PDCD6: variants seen among roughly 807,000 people sequenced by gnomAD.
PDCD6 encodes the protein programmed cell death protein 6.
A neutral mutation model predicts 28.3 loss-of-function variants in PDCD6; 12 were observed. The ratio of observed to expected loss-of-function variants is 0.42; its 90% confidence interval spans 0.27 to 0.69. The LOEUF (loss-of-function observed/expected upper bound fraction) is 0.69, where lower values mean the gene tolerates loss of function less well. PDCD6 is among the 30% of genes least tolerant of loss of function. The pLI is 0.22. For missense variants in PDCD6, 226 were observed against 269.9 expected (o/e 0.84, Z 1.14); for synonymous variants, 92 against 108.0 (o/e 0.85, Z 0.92).
At chr5:288,982 C>T in intron 2 of PDCD6, 2 of 1,318,780 alleles carry the variant, frequency 1.5e-6, no homozygotes, top group South Asian at 2.4e-5. Context: ...CTTTCAGGGC[C>T]TTCGTTTTCA....
chr5:276,713 A>G, intron 2 of PDCD6: 1 of 984,430 alleles, frequency 1.0e-6, no homozygotes, highest in Non-Finnish European at 1.2e-6. Context: ...TGAAGCTACA[A>G]AATGGCCTGG....
chr5:278,581 C>T (rs1738350655), intron 2 of PDCD6, among the ~76,000 whole-genome samples: 1 of 149,486 alleles, frequency 6.7e-6, no homozygotes, highest in African/African-American at 2.5e-5. Context: ...GGTATGGTGG[C>T]GTGCATCTGT....
chr5:277,756 A>G (rs1738291757), intron 2 of PDCD6, among the ~76,000 whole-genome samples: 1 of 152,000 alleles, frequency 6.6e-6, no homozygotes, highest in Non-Finnish European at 1.5e-5. Context: ...TCTCTACTAA[A>G]AATACAAAAT....
intron 2 of PDCD6, among the ~76,000 whole-genome samples, chr5:284,919 G>A (rs1364695952): frequency 3.5e-5 from 5 of 141,004 alleles, no homozygotes; most frequent in South Asian, 2.4e-4. Context: ...CTGGAGACCC[G>A]GGGAGGAATA....
chr5:277,912 C>CAAAAA (rs529926870), intron 2 of PDCD6, among the ~76,000 whole-genome samples: 4 of 111,028 alleles, frequency 3.6e-5, no homozygotes, highest in African/African-American at 1.4e-4. Context: ...GACTCCATCT[C>CAAAAA]AAAAAAAAAA....
intron 2 of PDCD6, among the ~76,000 whole-genome samples, chr5:299,739 T>C (rs192693096): frequency 0.015 from 2,226 of 152,246 alleles, 36 homozygotes; most frequent in East Asian, 0.042. Context: ...TTAGTAGAGA[T>C]GGGGTTTCAC....
chr5:299,838 C>T (rs551741483), intron 2 of PDCD6, among the ~76,000 whole-genome samples: 37 of 151,402 alleles, frequency 2.4e-4, no homozygotes, highest in African/African-American at 6.6e-4. Context: ...CGCCAGCCAC[C>T]GCGCCCAGCT....
chr5:284,319 C>A (rs1738784181), intron 2 of PDCD6, among the ~76,000 whole-genome samples: 2 of 151,962 alleles, frequency 1.3e-5, no homozygotes, highest in Admixed American at 1.3e-4. Context: ...AGCTGATGTT[C>A]TAGCTTGAGG....
intron 2 of PDCD6, among the ~76,000 whole-genome samples, chr5:302,410 A>G (rs2672772): frequency 0.56 from 50,129 of 90,000 alleles, 12,700 homozygotes; most frequent in Non-Finnish European, 0.59. Flanking sequence ...TGTATGCCTC[A>G]GGTTCAGGTG....
intron 4 of PDCD6, chr5:310,470 G>C (rs1466186067): frequency 6.6e-6 from 1 of 152,322 alleles, no homozygotes; most frequent in Non-Finnish European, 1.5e-5. Context: ...TCAGCACCTG[G>C]ATCTTGCCTC....
At chr5:302,907 G>C (rs1740198975) in intron 2 of PDCD6, among the ~76,000 whole-genome samples, 1 of 151,882 alleles carries the variant, frequency 6.6e-6, no homozygotes. Context: ...TCAGGTTCAG[G>C]TGCACCTGCC....
intron 5 of PDCD6, among the ~76,000 whole-genome samples, chr5:314,094 C>T (rs1413228942): frequency 1.3e-5 from 2 of 152,194 alleles, no homozygotes; most frequent in African/African-American, 4.8e-5. Flanking sequence ...AGGGCTTCCA[C>T]GGGACGGTCT....
intron 4 of PDCD6, 72 bp from the exon 5 acceptor site, chr5:311,221 A>C: frequency 4.4e-6 from 5 of 1,128,002 alleles, no homozygotes; most frequent in Non-Finnish European, 5.4e-6. Context: ...GGCCTTGGGC[A>C]GGAGGGGTGA....
At chr5:314,298 C>T (rs1741128905) in intron 5 of PDCD6, 119 bp from the exon 6 acceptor site, 2 of 683,826 alleles carry the variant, frequency 2.9e-6, no homozygotes, top group Non-Finnish European at 5.2e-6. Flanking sequence ...GTGCTGGGCT[C>T]CATCAGGGAG....
chr5:282,271 TCG>T (rs1491394411), intron 2 of PDCD6, among the ~76,000 whole-genome samples: 2 of 38,296 alleles, frequency 5.2e-5, no homozygotes, highest in Non-Finnish European at 8.7e-5. Context: ...AGCGGAAAAA[TCG>T]GGGGGGGGGG....
intron 2 of PDCD6, chr5:290,322 G>A (rs1407630725): frequency 3.1e-6 from 4 of 1,277,116 alleles, no homozygotes; most frequent in African/African-American, 1.4e-5. Flanking sequence ...CAACGTCCAT[G>A]GCTTCCTGGA....
chr5:296,437 C>T (rs150255025), intron 2 of PDCD6, among the ~76,000 whole-genome samples: 4,495 of 152,274 alleles, frequency 0.03, 103 homozygotes, highest in Non-Finnish European at 0.04. Context: ...ACTGTTTGCA[C>T]AGACCTAAGT....
chr5:291,685 G>A (rs185356968), intron 2 of PDCD6, among the ~76,000 whole-genome samples: 416 of 146,980 alleles, frequency 2.8e-3, no homozygotes, highest in African/African-American at 9.8e-3. Flanking sequence ...TCATTGCTGC[G>A]TGATCTCCCG....
chr5:300,676 C>T (rs528197612), intron 2 of PDCD6, among the ~76,000 whole-genome samples: 57 of 152,336 alleles, frequency 3.7e-4, no homozygotes, highest in East Asian at 5.8e-4. Flanking sequence ...CAGCTCGTTA[C>T]GGGCCGTTAG....
Sources: gnomAD v4.1 joint callset for allele counts (sites outside exome capture counted in the v4.1 genomes callset) on GRCh38, gnomAD v4.1.1 for gene constraint, MANE v1.5 for transcripts, NCBI Gene and HGNC (gene_info 2026-07-23, HGNC 2026-07-21) for gene names.